Variants in LIMCH1 observed in about 807,000 individuals in gnomAD.
The protein encoded by LIMCH1 is LIM and calponin homology domains-containing protein 1.
LIMCH1 carries 113 observed loss-of-function variants against 176.5 expected under a neutral mutation model. The observed-to-expected ratio is 0.64, with a 90% confidence interval of 0.55 to 0.75. The LOEUF is 0.75. LIMCH1 is among the 30% of genes least tolerant of loss of function. The pLI is 0.00. For synonymous variants in LIMCH1, 619 were observed against 645.9 expected (o/e 0.96, Z 0.63); for missense variants, 1,674 against 1,814.9 (o/e 0.92, Z 1.41).
chr4:41,582,657 G>T (rs188015405), intron 1 of LIMCH1, among the ~76,000 whole-genome samples: 1 of 152,188 alleles, frequency 6.6e-6, no homozygotes, highest in South Asian at 2.1e-4. Context: ...TGGAAAATGG[G>T]GATAATAATA....
chr4:41,437,518 G>A (rs1394325377), intron 1 of LIMCH1, among the ~76,000 whole-genome samples: 1 of 152,178 alleles, frequency 6.6e-6, no homozygotes, highest in Admixed American at 6.5e-5. Flanking sequence ...TTAACTTAAA[G>A]AGGAAAGAAT....
At position 41,699,908 on chromosome 4, in the gene LIMCH1, C is replaced by T. The variant is rs1013444379; in HGVS notation, c.*2723C>T. 2.0e-5 allele frequency: 3 copies of T among 152,148 alleles called. No individual in the cohort carries two copies. In the South Asian group the frequency reaches 6.2e-4, roughly 32 times the overall value. The allele number at this position is 152,148 out of a possible 1,614,324, so 9.4% of individuals were successfully genotyped here. A position where few individuals can be genotyped will look rare whatever the true frequency, so the allele number is the denominator to read the frequency against. On this transcript the variant is annotated 3_prime_UTR_variant, in exon 32 of 32. Transcript: ENST00000503057. Reference sequence around the variant, plus strand: ...CTCTGGGTGGGCCAGTGTTCTATATCGGTTATACTAACTTTCATTTAAAGT... The same window carrying T: ...CTCTGGGTGGGCCAGTGTTCTATATTGGTTATACTAACTTTCATTTAAAGT...
At chr4:41,494,525 C>T (rs1554072452) in intron 1 of LIMCH1, 12 of 1,607,104 alleles carry the variant, frequency 7.5e-6, no homozygotes, top group Non-Finnish European at 8.5e-6. Flanking sequence ...TTTTTCTTTT[C>T]TTTTTTGCAG....
At chr4:41,684,361 C>T (rs1718868039) in intron 26 of LIMCH1, 36 bp from the exon 27 acceptor site, 2 of 1,589,696 alleles carry the variant, frequency 1.3e-6, no homozygotes, top group African/African-American at 1.3e-5. Flanking sequence ...AGTTACTTTT[C>T]TCTCTGCTCT....
rs377047251 is a variant in LIMCH1 at position 41,552,912 on chromosome 4, T to A, written c.-241+14562T>A. On this transcript the variant is annotated intron_variant, in intron 1 of 31. Transcript: ENST00000503057. Reference sequence around the variant, plus strand: ...ATATATAGTTATCTCCTTAGGAATTTTAATTATTTGAGGTGAGCTGTTTAA... The same window carrying A: ...ATATATAGTTATCTCCTTAGGAATTATAATTATTTGAGGTGAGCTGTTTAA... Among the ~76,000 whole-genome samples the A allele has an allele frequency of 1.1e-4, 17 of 152,338 alleles. No individual in the cohort carries two copies. The East Asian group carries it at 3.1e-3, about 28-fold the overall frequency.
chr4:41,647,037 C>T (rs1163410826), intron 17 of LIMCH1, 144 bp downstream of exon 17: 1 of 794,560 alleles, frequency 1.3e-6, no homozygotes, highest in Admixed American at 2.9e-5. Flanking sequence ...AGTCATAGGT[C>T]TCTGGAGATT....
chr4:41,494,672 G>C, intron 2 of LIMCH1: 1 of 1,012,038 alleles, frequency 9.9e-7, no homozygotes, highest in Non-Finnish European at 1.5e-6. Context: ...CAGTTTGGCT[G>C]TAAGACTTCT....
intron 29 of LIMCH1, among the ~76,000 whole-genome samples, chr4:41,688,280 C>G (rs565661044): frequency 3.3e-4 from 51 of 152,342 alleles, no homozygotes; most frequent in African/African-American, 1.1e-3. Context: ...ACTGATGGCT[C>G]TTACAGAGAA....
At chr4:41,649,690 A>C (rs914169642) in intron 17 of LIMCH1, among the ~76,000 whole-genome samples, 1 of 152,224 alleles carries the variant, frequency 6.6e-6, no homozygotes, top group Non-Finnish European at 1.5e-5. Context: ...CTCAAATTTC[A>C]AGACCGAGAT....
intron 1 of LIMCH1, among the ~76,000 whole-genome samples, chr4:41,373,262 C>A (rs954298059): frequency 1.3e-5 from 2 of 152,176 alleles, no homozygotes; most frequent in Non-Finnish European, 2.9e-5. Flanking sequence ...AAATCATGTT[C>A]TAGGCAAACA....
intron 1 of LIMCH1, among the ~76,000 whole-genome samples, chr4:41,435,311 C>T (rs892269375): frequency 6.6e-6 from 1 of 152,136 alleles, no homozygotes; most frequent in South Asian, 2.1e-4. Flanking sequence ...AAGAAGGGAC[C>T]ATGAGCAAAG....
chr4:41,667,379 C>T (rs2094863669), intron 21 of LIMCH1, among the ~76,000 whole-genome samples: 1 of 151,702 alleles, frequency 6.6e-6, no homozygotes, highest in Non-Finnish European at 1.5e-5. Context: ...GTGTGTATTA[C>T]ATAAATTACA....
chr4:41,493,080 T>C (rs541190658), intron 1 of LIMCH1, among the ~76,000 whole-genome samples: 16 of 152,194 alleles, frequency 1.1e-4, no homozygotes, highest in Non-Finnish European at 2.2e-4. Flanking sequence ...TGTCTTTATA[T>C]TTAAAGTGCA....
rs1449731938 is a variant in LIMCH1, at chr4:41,650,608, A to G, written c.3036A>G (p.Ala1012=). 4 of 1,610,888 alleles carry G rather than the reference A, an allele frequency of 2.5e-6. No homozygotes were observed. The highest frequency in any genetic ancestry group is 1.7e-5 in the Admixed American group (1 of 59,676). The change falls in exon 18 of 32, where the codon GCA becomes GCG. Residue 1012 remains alanine (A), a splice_region_variant and synonymous_variant. Transcript: ENST00000503057. ...CAAACTCTGTTCCCCAAGAGCTCGC[A>G]GTAAGAACCAAACATTTCCCCGCCT... The part of the protein sequence containing the change: ...KKPNSVPQEL[A]ATTEKTEPNS...
intron 1 of LIMCH1, among the ~76,000 whole-genome samples, chr4:41,492,155 C>T (rs2071185033): frequency 6.6e-6 from 1 of 152,208 alleles, no homozygotes; most frequent in African/African-American, 2.4e-5. Flanking sequence ...AATCCTAGCA[C>T]CTCAGGAGGC....
At chr4:41,529,989 G>A (rs564563562) in intron 3 of LIMCH1, among the ~76,000 whole-genome samples, 1 of 152,244 alleles carries the variant, frequency 6.6e-6, no homozygotes, top group African/African-American at 2.4e-5. Context: ...TCAAAGATAA[G>A]ATTTCAAATA....
intron 23 of LIMCH1, among the ~76,000 whole-genome samples, chr4:41,676,973 G>GA: frequency 6.6e-6 from 1 of 151,674 alleles, no homozygotes; most frequent in African/African-American, 2.4e-5. Flanking sequence ...GACCAGCCTG[G>GA]CCAACATGAC....
intron 18 of LIMCH1, among the ~76,000 whole-genome samples, chr4:41,651,633 C>T (rs551103888): frequency 6.6e-6 from 1 of 152,134 alleles, no homozygotes; most frequent in Admixed American, 6.5e-5. Flanking sequence ...CTTGTTAATG[C>T]CATTTGAAAA....
rs144524453 is a variant in LIMCH1 at position 41,479,397 on chromosome 4, A to G, written c.97-15139A>G. On this transcript the variant is annotated intron_variant, in intron 1 of 26. Coordinates refer to the LIMCH1 transcript ENST00000313860. ...CTCCCAAGTAGCTGGGTCTACATGCATGTACCACCACACCCGGCCAAATTT... is the reference window on the plus strand; with the variant it reads ...CTCCCAAGTAGCTGGGTCTACATGCGTGTACCACCACACCCGGCCAAATTT... 1.2e-3 allele frequency among the ~76,000 whole-genome samples: 188 copies of G among 152,234 alleles called. 1 individual carries two copies. Among genetic ancestry groups the G allele is most frequent in the African/African-American group, 3.9e-3 (160 of 41,546 alleles).
Sources: gnomAD v4.1 joint callset for allele counts (sites outside exome capture counted in the v4.1 genomes callset) on GRCh38, gnomAD v4.1.1 for gene constraint, MANE v1.5 for transcripts, NCBI Gene and HGNC (gene_info 2026-07-23, HGNC 2026-07-21) for gene names.